Variants in HMSD observed in about 807,000 individuals in gnomAD.
HMSD encodes histocompatibility minor serpin domain containing, also known as serpin-like protein HMSD.
A neutral mutation model predicts 10.0 loss-of-function variants in HMSD; 13 were observed. That is an observed-to-expected ratio of 1.31 (90% confidence interval 0.85 to 2.08). The LOEUF is 2.08. HMSD is among the 30% of genes most tolerant of loss of function. The pLI is 0.00. For missense variants in HMSD, 169 were observed against 166.3 expected, an observed-to-expected ratio of 1.02 and a Z score of -0.09; for synonymous variants, 51 against 54.2, an observed-to-expected ratio of 0.94 and a Z score of 0.26.
chr18:63,950,040 T>A (rs2050320950), intron 1 of HMSD, among the ~76,000 whole-genome samples: 1 of 152,120 alleles, frequency 6.6e-6, no homozygotes. Flanking sequence ...GAGAATTTGC[T>A]CAAGAACAAA....
rs1320181986 is a variant in HMSD at position 63,966,947 on chromosome 18, A to G, written n.312+6672A>G. 7 of 152,316 alleles carry G rather than the reference A, an allele frequency of 4.6e-5. No individual in the cohort carries two copies. The East Asian group carries it at 1.3e-3, about 29-fold the overall frequency. 9.4% of individuals were successfully genotyped at this position (152,316 alleles called of 1,614,324 possible). A position where few individuals can be genotyped will look rare whatever the true frequency, so the allele number is the denominator to read the frequency against. On this transcript the variant is annotated intron_variant and non_coding_transcript_variant, in intron 3 of 5. Transcript: ENST00000481726. ...TTTATGATGCTATGTTTGTTTCTCT[A>G]GCATTAATTAGCTGAAGCAAGTGTG...
At chr18:63,956,731 A>G (rs1305307096) in intron 3 of HMSD, among the ~76,000 whole-genome samples, 4 of 152,262 alleles carry the variant, frequency 2.6e-5, no homozygotes, top group Non-Finnish European at 5.9e-5. Context: ...ATTATTGAGT[A>G]CATACCTGAA....
intron 1 of HMSD, among the ~76,000 whole-genome samples, chr18:63,952,924 T>C (rs950064826): frequency 6.6e-6 from 1 of 152,254 alleles, no homozygotes; most frequent in Admixed American, 6.5e-5. Flanking sequence ...TTTACCAGTA[T>C]TGGAAATCAA....
chr18:63,963,119 T>TTTCTTTCTCTTTC (rs1568261396), downstream of HMSD, among the ~76,000 whole-genome samples: 7 of 136,826 alleles, frequency 5.1e-5, no homozygotes, highest in African/African-American at 1.9e-4. Context: ...CTTTCTTTCT[T>TTTCTTTCTCTTTC]TCTTTCTTTC....
At chr18:63,952,335 G>A (rs1223326097) in intron 1 of HMSD, among the ~76,000 whole-genome samples, 10 of 151,576 alleles carry the variant, frequency 6.6e-5, no homozygotes, top group Admixed American at 6.6e-4. Flanking sequence ...TCAACTACAT[G>A]CAAGTCCATT....
Position 63,960,435 on chromosome 18 carries a change from T to A in HMSD, c.*80T>A. 6.7e-7 allele frequency: 1 copy of A among 1,487,758 alleles called. No individual in the cohort carries two copies. Among genetic ancestry groups the A allele is most frequent in the Non-Finnish European group, 8.9e-7 (1 of 1,129,560 alleles). The allele number at this position is 1,487,758 out of a possible 1,614,324, so 92.2% of individuals were successfully genotyped here. On this transcript the variant is annotated 3_prime_UTR_variant, in exon 4 of 4. Coordinates refer to ENST00000408945, the MANE Select transcript of HMSD (RefSeq NM_001123366.2). The stretch of plus-strand genomic sequence containing the variant: ...AAATATTGCCAACTCGTAGACCTTT[T>A]CTCTAGCTTTAGCTTTTCCCTTATC...
downstream of HMSD, among the ~76,000 whole-genome samples, chr18:63,963,179 C>G (rs2050397046): frequency 6.8e-6 from 1 of 147,448 alleles, no homozygotes; most frequent in Non-Finnish European, 1.5e-5. Flanking sequence ...TCTCTCCCTT[C>G]CTTCCTTCAT....
downstream of HMSD, among the ~76,000 whole-genome samples, chr18:63,962,668 C>T (rs939600903): frequency 6.6e-6 from 1 of 152,208 alleles, no homozygotes; most frequent in Non-Finnish European, 1.5e-5. Context: ...AACTCTAAGG[C>T]TCTTGCATCC....
intron 1 of HMSD, among the ~76,000 whole-genome samples, chr18:63,952,776 G>T (rs1159967537): frequency 6.6e-6 from 1 of 152,060 alleles, no homozygotes. Context: ...TATTTTCATG[G>T]CATTTTCTTT....
chr18:63,961,330 C>G lies in HMSD; in HGVS notation c.*975C>G, dbSNP rs1338969114. 1 of 151,870 alleles carries G rather than the reference C, an allele frequency of 6.6e-6. No homozygotes were observed. The highest frequency in any genetic ancestry group is 2.4e-5 in the African/African-American group (1 of 41,328). 9.4% of individuals were successfully genotyped at this position (151,870 alleles called of 1,614,324 possible). A position where few individuals can be genotyped will look rare whatever the true frequency, so the allele number is the denominator to read the frequency against. ...GACTTTAGCCATGTAAATCATAAAACATAGAGATAACAATATGCATATTGT... is the reference window on the plus strand; with the variant it reads ...GACTTTAGCCATGTAAATCATAAAAGATAGAGATAACAATATGCATATTGT... On this transcript the variant is annotated 3_prime_UTR_variant, in exon 4 of 4. Coordinates refer to ENST00000408945, the MANE Select transcript of HMSD (RefSeq NM_001123366.2).
chr18:63,965,719 T>C (rs1016544090), downstream of HMSD, among the ~76,000 whole-genome samples: 2 of 152,186 alleles, frequency 1.3e-5, no homozygotes, highest in Non-Finnish European at 2.9e-5. Flanking sequence ...ATTGTCTTAG[T>C]CTGTTTTGTG....
chr18:63,963,075 TTCTTTCTTTC>T (rs1454079848), downstream of HMSD, among the ~76,000 whole-genome samples: 17 of 26,764 alleles, frequency 6.4e-4, no homozygotes, highest in Non-Finnish European at 9.9e-4. Flanking sequence ...TTCTTTCTCT[TTCTTTCTTTC>T]TTTCTTTCTT....
At chr18:63,957,633 T>C (rs1029040051) in intron 3 of HMSD, among the ~76,000 whole-genome samples, 2 of 152,198 alleles carry the variant, frequency 1.3e-5, no homozygotes, top group East Asian at 1.9e-4. Flanking sequence ...ACTTCACTTA[T>C]TTTACTAGTC....
intron 3 of HMSD, among the ~76,000 whole-genome samples, chr18:63,956,742 G>A (rs970260694): frequency 1.3e-5 from 2 of 152,048 alleles, no homozygotes; most frequent in Admixed American, 6.6e-5. Context: ...CATACCTGAA[G>A]GAATAGAAAT....
At position 63,960,154 on chromosome 18, in the gene HMSD, C is replaced by T. The variant is rs745915253; in HGVS notation, c.223-4C>T. 85 of 1,607,244 alleles carry T rather than the reference C, an allele frequency of 5.3e-5. No homozygotes were observed. The highest frequency in any genetic ancestry group is 7.0e-5 in the Non-Finnish European group (82 of 1,178,384). On this transcript the variant is annotated splice_polypyrimidine_tract_variant and splice_region_variant and intron_variant, in intron 3 of 3. Transcript: ENST00000408945. The stretch of plus-strand genomic sequence containing the variant: ...TGTGAAATTATGTTTTTGGTTTTTC[C>T]TAGGGTTTTACAGATTCCTGTGGCA...
chr18:63,969,439 C>T (rs1229007605), intron 3 of HMSD: 2 of 152,094 alleles, frequency 1.3e-5, no homozygotes, highest in Non-Finnish European at 2.9e-5. Flanking sequence ...AGGAGGAACA[C>T]AAAAGTGATA....
chr18:63,953,614 C>T, intron 2 of HMSD, 87 bp downstream of exon 2: 1 of 1,077,216 alleles, frequency 9.3e-7, no homozygotes, highest in Non-Finnish European at 1.4e-6. Context: ...TGAAGAAATT[C>T]CTCCTTTAAC....
At chr18:63,955,821 T>G (rs1228325776) in intron 3 of HMSD, among the ~76,000 whole-genome samples, 3 of 152,192 alleles carry the variant, frequency 2.0e-5, no homozygotes. Context: ...CTGTCTGGGA[T>G]CAGTGCGGTC....
chr18:63,959,891 T>C (rs2050377020), intron 3 of HMSD, among the ~76,000 whole-genome samples: 1 of 152,228 alleles, frequency 6.6e-6, no homozygotes, highest in Non-Finnish European at 1.5e-5. Context: ...AATTATCTCA[T>C]TGATGGGTGT....
Sources: allele counts gnomAD v4.1 joint callset (sites outside exome capture counted in the v4.1 genomes callset), GRCh38; gene constraint gnomAD v4.1.1; transcripts MANE v1.5; gene names NCBI Gene and HGNC (gene_info 2026-07-23, HGNC 2026-07-21).